Variants in DDC observed in about 807,000 individuals in gnomAD.
The protein encoded by DDC is dopa decarboxylase.
DDC carries 43 observed loss-of-function variants against 60.0 expected under a neutral mutation model. That is an observed-to-expected ratio of 0.72 (90% CI 0.56 to 0.92). The LOEUF (loss-of-function observed/expected upper bound fraction) is 0.92. Ranked by LOEUF, DDC falls within the 40% of genes least tolerant of loss-of-function variation. The pLI, the probability that DDC is intolerant of heterozygous loss-of-function variation, is 0.00. For missense variants in DDC, 573 were observed against 620.2 expected, an observed-to-expected ratio of 0.92 and a Z score of 0.81; for synonymous variants, 232 against 234.6, an observed-to-expected ratio of 0.99 and a Z score of 0.10.
intron 4 of DDC, 33 bp downstream of exon 4, chr7:50,537,827 T>C (rs2044469275): frequency 1.2e-6 from 2 of 1,614,036 alleles, no homozygotes; most frequent in East Asian, 2.2e-5. Flanking sequence ...AGCCCATGCA[T>C]CCCAAAAGTG....
intron 6 of DDC, among the ~76,000 whole-genome samples, chr7:50,511,391 C>A (rs969240213): frequency 6.6e-6 from 1 of 152,084 alleles, no homozygotes; most frequent in South Asian, 2.1e-4. Flanking sequence ...TCTGACTAGG[C>A]ATGGTGGCTC....
chr7:50,516,907 C>G (rs1175633290), intron 6 of DDC, among the ~76,000 whole-genome samples: 1 of 151,590 alleles, frequency 6.6e-6, no homozygotes, highest in Non-Finnish European at 1.5e-5. Flanking sequence ...AACAGACCAA[C>G]AACAAGCAGT....
intron 14 of DDC, among the ~76,000 whole-genome samples, chr7:50,459,928 G>T (rs2042223486): frequency 6.9e-6 from 1 of 144,710 alleles, no homozygotes; most frequent in South Asian, 2.2e-4. Context: ...CAGGAGGGAG[G>T]TGGGGGGGTC....
At chr7:50,547,165 A>G (rs938180431) in intron 1 of DDC, among the ~76,000 whole-genome samples, 1 of 150,872 alleles carries the variant, frequency 6.6e-6, no homozygotes, top group Non-Finnish European at 1.5e-5. Flanking sequence ...TTCTTTACTA[A>G]TTTCTAAGTA....
At chr7:50,562,209 C>T (rs1054721228) in intron 1 of DDC, among the ~76,000 whole-genome samples, 1 of 152,214 alleles carries the variant, frequency 6.6e-6, no homozygotes, top group African/African-American at 2.4e-5. Flanking sequence ...AGTGCAGGGG[C>T]TGCAGGGCGG....
At position 50,537,883 on chromosome 7, in the gene DDC, C is replaced by T. The variant is rs886062375; in HGVS notation, c.412G>A (p.Gly138Arg). Residue 138 changes from glycine (G) to arginine (R), a missense_variant, in exon 4 of 15, where the codon GGA becomes AGA. Gly to Arg is a moderately radical substitution (Grantham distance 125). Transcript: ENST00000444124. Reference protein sequence around the residue: ...LPKAFLNEKAGEGGGVIQGSA... With the variant: ...LPKAFLNEKAREGGGVIQGSA... ...ACCTGGATCACTCCTCCCCCTTCTC[C>T]AGCTTTCTCATTCAAAAATGCCTTT... is the stretch of plus-strand genomic sequence containing the variant. The T allele has an allele frequency of 4.3e-6, 7 of 1,614,196 alleles. No individual in the cohort carries two copies. Among genetic ancestry groups the T allele is most frequent in the Non-Finnish European group, 5.1e-6 (6 of 1,180,040 alleles).
At chr7:50,530,600 T>C (rs1322609366) in intron 4 of DDC, among the ~76,000 whole-genome samples, 1 of 152,158 alleles carries the variant, frequency 6.6e-6, no homozygotes, top group Admixed American at 6.5e-5. Context: ...GCAGAGAGGT[T>C]CACTAACTTG....
At chr7:50,496,958 G>A (rs985755166) in intron 8 of DDC, among the ~76,000 whole-genome samples, 3 of 152,202 alleles carry the variant, frequency 2.0e-5, no homozygotes, top group Non-Finnish European at 4.4e-5. Flanking sequence ...AAGTAATTTT[G>A]AGAAAAGGAC....
intron 13 of DDC, among the ~76,000 whole-genome samples, chr7:50,464,296 C>T (rs11575535): frequency 0.057 from 8,648 of 152,038 alleles, 497 homozygotes; most frequent in African/African-American, 0.15. Context: ...CCACCTCAGA[C>T]GAGCACCTGC....
intron 6 of DDC, among the ~76,000 whole-genome samples, chr7:50,517,149 A>G (rs1231575943): frequency 2.0e-5 from 3 of 152,232 alleles, no homozygotes; most frequent in Non-Finnish European, 4.4e-5. Context: ...ATCCTTGATG[A>G]ACATAAATGC....
At chr7:50,541,991 G>A (rs1453026632) in intron 2 of DDC, among the ~76,000 whole-genome samples, 1 of 152,102 alleles carries the variant, frequency 6.6e-6, no homozygotes, top group African/African-American at 2.4e-5. Flanking sequence ...AGCTAACACA[G>A]TCTAGGCTTG....
intron 1 of DDC, among the ~76,000 whole-genome samples, chr7:50,549,144 A>T (rs1171214416): frequency 6.6e-6 from 1 of 152,224 alleles, no homozygotes; most frequent in African/African-American, 2.4e-5. Flanking sequence ...TGGTCACTCA[A>T]GAGCAAGATG....
Position 50,467,314 on chromosome 7 carries a change from T to C in DDC, c.1142A>G (p.His381Arg). The C allele has an allele frequency of 6.2e-7, 1 of 1,613,586 alleles. No individual in the cohort carries two copies. Among genetic ancestry groups the C allele is most frequent in the African/African-American group, 1.3e-5 (1 of 75,056 alleles). Residue 381 changes from histidine to arginine, a missense_variant and splice_region_variant, in exon 13 of 15, where the codon CAT becomes CGT. Coordinates refer to ENST00000444124, the MANE Select transcript of DDC (RefSeq NM_001082971.2). ...CTCAAACTCATGGGACAGCTGGACA[T>C]GCTTCAAAGAGGAAAGGGAAAATCT... ...VKGLQAYIRKHVQLSHEFESL... is the reference protein window; with the variant it reads ...VKGLQAYIRKRVQLSHEFESL...
intron 8 of DDC, among the ~76,000 whole-genome samples, chr7:50,496,224 C>CA (rs1221015801): frequency 2.0e-5 from 3 of 152,066 alleles, no homozygotes; most frequent in Non-Finnish European, 4.4e-5. Flanking sequence ...GCTGGGACTA[C>CA]AGGCGTGTGC....
chr7:50,556,807 A>G (rs997848027), intron 1 of DDC, among the ~76,000 whole-genome samples: 25 of 152,206 alleles, frequency 1.6e-4, no homozygotes, highest in Non-Finnish European at 5.9e-5. Context: ...AAGTGGAGCT[A>G]AGCTTTCAGC....
intron 1 of DDC, among the ~76,000 whole-genome samples, chr7:50,544,601 C>G (rs2044742135): frequency 2.0e-5 from 3 of 152,180 alleles, no homozygotes. Flanking sequence ...CAGCACACCC[C>G]CTCAAACTTA....
chr7:50,504,468 C>A (rs11575372), intron 6 of DDC, among the ~76,000 whole-genome samples: 1 of 151,004 alleles, frequency 6.6e-6, no homozygotes, highest in Non-Finnish European at 1.5e-5. Flanking sequence ...TTTTAATTAA[C>A]GTTCTATGTA....
At chr7:50,490,743 G>C (rs7802199) in intron 9 of DDC, among the ~76,000 whole-genome samples, 3 of 152,036 alleles carry the variant, frequency 2.0e-5, no homozygotes, top group East Asian at 3.9e-4. Context: ...TTATGAAAAG[G>C]TTCCAACAAA....
chr7:50,493,038 T>C (rs2043043156), intron 9 of DDC: 1 of 1,544,686 alleles, frequency 6.5e-7, no homozygotes, highest in East Asian at 2.2e-5. Flanking sequence ...ATTACACTCC[T>C]TCTTATCGTG....
Sources: allele counts gnomAD v4.1 joint callset (sites outside exome capture counted in the v4.1 genomes callset), GRCh38; gene constraint gnomAD v4.1.1; transcripts MANE v1.5; gene names NCBI Gene and HGNC (gene_info 2026-07-23, HGNC 2026-07-21).